Variants in ASL observed in about 807,000 individuals in gnomAD.
ASL encodes the protein argininosuccinase.
A neutral mutation model predicts 69.1 loss-of-function variants in ASL; 51 were observed. The ratio of observed to expected loss-of-function variants is 0.74; its 90% CI spans 0.59 to 0.93. The LOEUF (loss-of-function observed/expected upper bound fraction) is 0.93. Ranked by LOEUF, ASL falls within the 40% of genes least tolerant of loss-of-function variation. The pLI is 0.00. For synonymous variants in ASL, 241 were observed against 247.6 expected (o/e 0.97, Z 0.25); for missense variants, 540 against 623.9 (o/e 0.87, Z 1.43).
chr7:66,088,152 C>T lies in ASL; in HGVS notation c.718+361C>T, dbSNP rs574551091. ...TGCACTCCAGCCTGGGCAACAAGAG[C>T]GAAACTCCATCTCAAAAAATAAAAT... On this transcript the variant is annotated intron_variant, in intron 10 of 16. Coordinates refer to ENST00000304874, the MANE Select transcript of ASL (RefSeq NM_000048.4). 4.3e-3 allele frequency among the ~76,000 whole-genome samples: 647 copies of T among 151,856 alleles called. 3 individuals carry two copies. The highest frequency in any genetic ancestry group is 7.9e-3 in the Non-Finnish European group (534 of 67,968).
At position 66,093,492 on chromosome 7, in the gene ASL, G is replaced by A. The variant is rs563779113; in HGVS notation, c.*580G>A. The A allele has an allele frequency of 6.3e-5, 10 of 159,796 alleles. No individual in the cohort carries two copies. In the South Asian group the frequency reaches 1.6e-3, roughly 25 times the overall value. 9.9% of individuals were successfully genotyped at this position (159,796 alleles called of 1,614,324 possible). A position where few individuals can be genotyped will look rare whatever the true frequency, so the allele number is the denominator to read the frequency against. On this transcript the variant is annotated 3_prime_UTR_variant, in exon 17 of 17. Coordinates refer to ENST00000304874, the MANE Select transcript of ASL (RefSeq NM_000048.4). Reference sequence around the variant, plus strand: ...TCCTAGGCCAGGAGCGATGGCTCACGCCTGTAATCCTAGCATTTTGGGAGG... The same window carrying A: ...TCCTAGGCCAGGAGCGATGGCTCACACCTGTAATCCTAGCATTTTGGGAGG...
chr7:66,083,030 G>A, intron 5 of ASL, 47 bp from the exon 6 acceptor site: 1 of 1,612,424 alleles, frequency 6.2e-7, no homozygotes. Flanking sequence ...GGCTCCTCAG[G>A]GAAGCAACAC....
chr7:66,092,079 G>A lies in ASL; in HGVS notation c.1136G>A (p.Arg379His), dbSNP rs200853731. 1.5e-5 allele frequency: 24 copies of A among 1,611,826 alleles called. No individual in the cohort carries two copies. Among genetic ancestry groups the A allele is most frequent in the South Asian group, 1.4e-4 (13 of 91,078 alleles). The change falls in exon 15 of 17, where the codon CGC (arginine) becomes CAC (histidine). Residue 379 changes from arginine to histidine, a missense_variant. Arg to His is a conservative substitution (Grantham distance 29). Transcript: ENST00000304874. ...ACTGACCTTGCCTATTACCTGGTCC[G>A]CAAAGGGGTAAGTGTGTAGCAGCCA... Reference protein sequence around the residue: ...LATDLAYYLVRKGMPFRQAHE... With the variant: ...LATDLAYYLVHKGMPFRQAHE...
Position 66,075,849 on chromosome 7 carries a change from A to G in ASL, c.-51A>G, listed in dbSNP as rs1786329006. 1 of 541,924 alleles carries G rather than the reference A, an allele frequency of 1.8e-6. No individual in the cohort carries two copies. The highest frequency in any genetic ancestry group is 3.3e-6 in the Non-Finnish European group (1 of 302,054). The allele number at this position is 541,924 out of a possible 1,614,324, so 33.6% of individuals were successfully genotyped here. On this transcript the variant is annotated 5_prime_UTR_variant, in exon 1 of 17. Coordinates refer to ENST00000304874, the MANE Select transcript of ASL (RefSeq NM_000048.4). Reference sequence around the variant, plus strand: ...CGGGCGCGACACTATCCGTGCGGCCAGGCGGAGGTGAGTGCGCGGCGGCCG... The same window carrying G: ...CGGGCGCGACACTATCCGTGCGGCCGGGCGGAGGTGAGTGCGCGGCGGCCG...
chr7:66,076,816 G>A (rs1438851751), intron 2 of ASL, among the ~76,000 whole-genome samples: 1 of 152,212 alleles, frequency 6.6e-6, no homozygotes, highest in East Asian at 1.9e-4. Context: ...CCCTTCAGGT[G>A]AGAGGGGCTG....
chr7:66,078,464 C>G (rs1228769745), intron 2 of ASL, among the ~76,000 whole-genome samples: 1 of 152,060 alleles, frequency 6.6e-6, no homozygotes, highest in Non-Finnish European at 1.5e-5. Flanking sequence ...AGGAGTGGAG[C>G]TGAAGCATGT....
chr7:66,076,437 C>T (rs1390264319), intron 2 of ASL, among the ~76,000 whole-genome samples: 1 of 152,200 alleles, frequency 6.6e-6, no homozygotes, highest in Non-Finnish European at 1.5e-5. Flanking sequence ...CTTCTTACCA[C>T]GTGTCCTCCT....
At chr7:66,080,049 C>T (rs1786455372) in intron 2 of ASL, among the ~76,000 whole-genome samples, 1 of 151,828 alleles carries the variant, frequency 6.6e-6, no homozygotes, top group South Asian at 2.1e-4. Context: ...GGTGCCACCG[C>T]ACTCCAACCT....
chr7:66,092,124 G>C, intron 15 of ASL, 38 bp downstream of exon 15: 1 of 1,603,062 alleles, frequency 6.2e-7, no homozygotes, highest in African/African-American at 1.3e-5. Flanking sequence ...TGAGGAGATG[G>C]GGTGCCCCCC....
chr7:66,083,715 A>G (rs1298279903), intron 6 of ASL, among the ~76,000 whole-genome samples: 1 of 151,280 alleles, frequency 6.6e-6, no homozygotes, highest in African/African-American at 2.4e-5. Flanking sequence ...AAGAAAACTC[A>G]CCATTTGCAG....
Position 66,083,154 on chromosome 7 carries a change from C to T in ASL, c.426C>T (p.Thr142=). The T allele has an allele frequency of 6.2e-7, 1 of 1,613,278 alleles. No individual in the cohort carries two copies. The highest frequency in any genetic ancestry group is 2.2e-5 in the East Asian group (1 of 44,878). Residue 142 remains threonine (T), a synonymous_variant, in exon 6 of 17, where the codon ACC becomes ACT. Transcript: ENST00000304874. ...GCCTCCTCTGGGAGCTCATTAGGAC[C>T]ATGGTGGATCGGGCAGAGGCGTGAG... is the stretch of plus-strand genomic sequence containing the variant. ...LSGLLWELIR[T]MVDRAEAERD... is the part of the protein sequence containing the mutation.
intron 14 of ASL, among the ~76,000 whole-genome samples, chr7:66,090,816 G>C (rs559189329): frequency 6.6e-6 from 1 of 151,944 alleles, no homozygotes; most frequent in Non-Finnish European, 1.5e-5. Flanking sequence ...AGTGTTTCTT[G>C]GCTGGGTGCA....
intron 4 of ASL, 104 bp from the exon 5 acceptor site, chr7:66,082,776 G>A (rs1305680744): frequency 7.2e-7 from 1 of 1,384,682 alleles, no homozygotes; most frequent in Non-Finnish European, 1.0e-6. Flanking sequence ...CCGGAGCCCT[G>A]GGGTATGGAG....
At chr7:66,078,454 A>G (rs1051114600) in intron 2 of ASL, among the ~76,000 whole-genome samples, 5 of 152,090 alleles carry the variant, frequency 3.3e-5, no homozygotes, top group African/African-American at 1.2e-4. Flanking sequence ...TACAGGAACC[A>G]GGAGTGGAGC....
Position 66,089,080 on chromosome 7 carries a change from T to C in ASL, c.834-11T>C. ...GTCCAGCCCCTTCAGCGCCAGCACC[T>C]CTGTCCCCAGCACGGGAAGCAGCCT... On this transcript the variant is annotated splice_polypyrimidine_tract_variant and intron_variant, in intron 11 of 16. Transcript: ENST00000304874. The C allele has an allele frequency of 6.2e-7, 1 of 1,613,640 alleles. No homozygotes were observed. Among genetic ancestry groups the C allele is most frequent in the Non-Finnish European group, 8.5e-7 (1 of 1,179,890 alleles).
rs201974677 is a variant in ASL, at chr7:66,086,750, C to A, written c.531C>A (p.Ala177=). Residue 177 remains alanine (A), a synonymous_variant, in exon 8 of 17, where the codon GCC becomes GCA. Coordinates refer to ENST00000304874, the MANE Select transcript of ASL (RefSeq NM_000048.4). ...IRWSHWILSH[A]VALTRDSERL... is the part of the protein sequence containing the mutation. ...TGCCCCTGGCTTCCCACAGCCACGCCGTGGCACTGACCCGAGACTCTGAGC... is the reference window on the plus strand; with the variant it reads ...TGCCCCTGGCTTCCCACAGCCACGCAGTGGCACTGACCCGAGACTCTGAGC... 6.8e-5 allele frequency: 109 copies of A among 1,605,870 alleles called. No homozygotes were observed. In the East Asian group the frequency reaches 2.3e-3, roughly 34 times the overall value.
intron 2 of ASL, 43 bp downstream of exon 2, chr7:66,076,136 G>T: frequency 6.3e-7 from 1 of 1,576,294 alleles, no homozygotes; most frequent in Non-Finnish European, 8.6e-7. Flanking sequence ...AGCCTCCAAA[G>T]GAGAGAGTGG....
chr7:66,089,537 T>TG lies in ASL; in HGVS notation c.979-68dup, dbSNP rs556672805. On this transcript the variant is annotated intron_variant, in intron 13 of 16. Transcript: ENST00000304874. ...ATGGAAGGCAGTGGGGATGCCTCAG[T>TG]GGGGGGGTGGGGCTGTGGGGACCCT... 1,920 of 1,293,618 alleles carry TG rather than the reference T, an allele frequency of 1.5e-3. 29 individuals carry two copies. Among genetic ancestry groups the TG allele is most frequent in the South Asian group, 0.015 (1,227 of 83,786 alleles). The allele number at this position is 1,293,618 out of a possible 1,614,324, so 80.1% of individuals were successfully genotyped here. A position where few individuals can be genotyped will look rare whatever the true frequency, so the allele number is the denominator to read the frequency against.
In ASL at chr7:66,087,719, A is replaced by AC. The variant is rs778811159; in HGVS notation, c.656-3dup. On this transcript the variant is annotated splice_polypyrimidine_tract_variant and intron_variant, in intron 9 of 16. Transcript: ENST00000304874. ...CTCCAGCTTAGCCCTGCTTCCTCCC[A>AC]CCCCCCCAGAACTCAACTTTGGGGC... is the stretch of plus-strand genomic sequence containing the variant. 2.3e-5 allele frequency: 37 copies of AC among 1,613,018 alleles called. 1 individual carries two copies. The highest frequency in any genetic ancestry group is 4.4e-5 in the South Asian group (4 of 91,064).
Sources: allele counts gnomAD v4.1 joint callset (sites outside exome capture counted in the v4.1 genomes callset), GRCh38; gene constraint gnomAD v4.1.1; transcripts MANE v1.5; gene names NCBI Gene and HGNC (gene_info 2026-07-23, HGNC 2026-07-21).